SYVN1: variants seen among roughly 807,000 people sequenced by gnomAD.
SYVN1 encodes the protein E3 ubiquitin-protein ligase synoviolin.
In SYVN1, 17 loss-of-function variants were observed where a neutral mutation model predicts 62.6. That is an observed-to-expected ratio of 0.27 (90% CI 0.19 to 0.41). The LOEUF is 0.41. SYVN1 is among the 10% of genes least tolerant of loss of function. SYVN1 has a pLI of 1.00. For missense variants in SYVN1, 634 were observed against 818.0 expected (o/e 0.78, Z 2.74); for synonymous variants, 316 against 304.0 (o/e 1.04, Z -0.41).
intron 12 of SYVN1, 25 bp downstream of exon 12, chr11:65,130,226 G>A: frequency 6.2e-7 from 1 of 1,609,616 alleles, no homozygotes; most frequent in Non-Finnish European, 8.5e-7. Context: ...CCGCCCCCTG[G>A]CTGTCACAGT....
At chr11:65,128,791 C>A in intron 14 of SYVN1, 77 bp from the exon 15 acceptor site, 1 of 1,436,166 alleles carries the variant, frequency 7.0e-7, no homozygotes, top group East Asian at 2.5e-5. Context: ...CTTGGTGAGC[C>A]TTGCAGAACA....
At chr11:65,130,855 G>A in intron 10 of SYVN1, 32 bp from the exon 11 acceptor site, 1 of 1,602,360 alleles carries the variant, frequency 6.2e-7, no homozygotes, top group South Asian at 1.1e-5. Context: ...AGGTCAGCAG[G>A]TCCCTAGGGG....
intron 8 of SYVN1, 33 bp from the exon 9 acceptor site, chr11:65,131,230 G>T: frequency 6.2e-7 from 1 of 1,614,002 alleles, no homozygotes; most frequent in Non-Finnish European, 8.5e-7. Flanking sequence ...CAGGAGAAGG[G>T]ACGGGATCAG....
chr11:65,129,911 G>C lies in SYVN1; in HGVS notation c.1413C>G (p.Phe471Leu). 1 of 1,613,208 alleles carries C rather than the reference G, an allele frequency of 6.2e-7. No individual in the cohort carries two copies. The highest frequency in any genetic ancestry group is 8.5e-7 in the Non-Finnish European group (1 of 1,179,478). The change falls in exon 14 of 16, where the codon TTC (phenylalanine) becomes TTG (leucine). Residue 471 changes from phenylalanine to leucine, a missense_variant. Phe to Leu is a conservative substitution (Grantham distance 22). Coordinates refer to ENST00000377190, the MANE Select transcript of SYVN1 (RefSeq NM_172230.3). ...MGMPLPPPFAFPPMPVPPAGF... is the reference protein window; with the variant it reads ...MGMPLPPPFALPPMPVPPAGF... ...CCGCAGGGGGCACAGGCATTGGGGG[G>C]AAGGCTGGAGAGAGAGAGGCTCAGT... is the stretch of plus-strand genomic sequence containing the variant.
At chr11:65,133,303 C>T (rs752957806) in intron 2 of SYVN1, 51 bp from the exon 3 acceptor site, 1 of 1,600,000 alleles carries the variant, frequency 6.3e-7, no homozygotes, top group Non-Finnish European at 8.6e-7. Context: ...CTTTCCTCTC[C>T]TTGGGACTCA....
In SYVN1 at chr11:65,127,943, C is replaced by G. The variant is rs1158141607; in HGVS notation, c.*439G>C. 5.2e-6 allele frequency: 1 copy of G among 191,180 alleles called. No homozygotes were observed. The highest frequency in any genetic ancestry group is 1.1e-5 in the Non-Finnish European group (1 of 92,454). 11.8% of individuals were successfully genotyped at this position (191,180 alleles called of 1,614,324 possible). A position where few individuals can be genotyped will look rare whatever the true frequency, so the allele number is the denominator to read the frequency against. On this transcript the variant is annotated 3_prime_UTR_variant, in exon 16 of 16. Coordinates refer to ENST00000377190, the MANE Select transcript of SYVN1 (RefSeq NM_172230.3). ...GGTACCAGTCTTAGGGGTGGGCCAG[C>G]GAGCAAGTTCATAGCTTGCCTCCAG...
Position 65,128,701 on chromosome 11 carries a change from C to G in SYVN1, c.1609G>C (p.Ala537Pro), listed in dbSNP as rs746316090. Residue 537 changes from alanine to proline, a missense_variant, in exon 15 of 16, where the codon GCC becomes CCC. By Grantham distance (27) the Ala-to-Pro change is conservative. Coordinates refer to ENST00000377190, the MANE Select transcript of SYVN1 (RefSeq NM_172230.3). ...VLASLGPPRPATSVNSTEETA... is the reference protein window; with the variant it reads ...VLASLGPPRPPTSVNSTEETA... ...TCCTCAGTGGAGTTGACTGAAGTGGCAGGCCGGGGGGGCCTGGGAAGAGAA... is the reference window on the plus strand; with the variant it reads ...TCCTCAGTGGAGTTGACTGAAGTGGGAGGCCGGGGGGGCCTGGGAAGAGAA... 6.2e-7 allele frequency: 1 copy of G among 1,610,200 alleles called. No individual in the cohort carries two copies. Among genetic ancestry groups the G allele is most frequent in the South Asian group, 1.1e-5 (1 of 90,766 alleles).
In SYVN1 at chr11:65,127,557, T is replaced by TAG. The variant is rs1335682776; in HGVS notation, c.*823_*824dup. 1 of 153,366 alleles carries TAG rather than the reference T, an allele frequency of 6.5e-6. No individual in the cohort carries two copies. Among genetic ancestry groups the TAG allele is most frequent in the Non-Finnish European group, 1.5e-5 (1 of 68,924 alleles). The allele number at this position is 153,366 out of a possible 1,614,324, so 9.5% of individuals were successfully genotyped here. On this transcript the variant is annotated 3_prime_UTR_variant, in exon 16 of 16. Coordinates refer to ENST00000377190, the MANE Select transcript of SYVN1 (RefSeq NM_172230.3). ...AGACAAAATTTAAGCCAAAAGACAC[T>TAG]AGTAAGGAAGTAATTCCAATTCTAA...
At chr11:65,132,402 C>CA (rs1418941249) in intron 5 of SYVN1, 51 bp from the exon 6 acceptor site, 1 of 1,318,534 alleles carries the variant, frequency 7.6e-7, no homozygotes, top group Admixed American at 1.7e-5. Context: ...CAGGGCCCAA[C>CA]AGCTGTTTAA....
Position 65,128,566 on chromosome 11 carries a change from G to A in SYVN1, c.1744C>T (p.Pro582Ser). The A allele has an allele frequency of 6.2e-7, 1 of 1,614,038 alleles. No homozygotes were observed. The highest frequency in any genetic ancestry group is 8.5e-7 in the Non-Finnish European group (1 of 1,179,978). Residue 582 changes from proline to serine, a missense_variant, in exon 15 of 16, where the codon CCA becomes TCA. This residue lies in a region of SYVN1 where 351 missense variants were observed against 373.3 expected (regional missense o/e 0.94). Transcript: ENST00000377190. Reference protein sequence around the residue: ...SPPAPEMERPPAPESVGTEEM... With the variant: ...SPPAPEMERPSAPESVGTEEM... ...GCTGGAGGCCAATCACACCTACCTG[G>A]AGGCCTTTCCATTTCAGGGGCTGGT...
rs2137232057 is a variant in SYVN1 at position 65,127,752 on chromosome 11, G to C, written c.*630C>G. ...CAGAGGAAAGGGGCCTGGGGGGAGG[G>C]GCGGGGCAGGGTCCCTCAGTGCTGC... is the stretch of plus-strand genomic sequence containing the variant. On this transcript the variant is annotated 3_prime_UTR_variant, in exon 16 of 16. Coordinates refer to ENST00000377190, the MANE Select transcript of SYVN1 (RefSeq NM_172230.3). 1 of 152,944 alleles carries C rather than the reference G, an allele frequency of 6.5e-6. No individual in the cohort carries two copies. The highest frequency in any genetic ancestry group is 1.9e-4 in the East Asian group (1 of 5,168). The allele number at this position is 152,944 out of a possible 1,614,324, so 9.5% of individuals were successfully genotyped here. A position where few individuals can be genotyped will look rare whatever the true frequency, so the allele number is the denominator to read the frequency against.
At position 65,130,544 on chromosome 11, in the gene SYVN1, T is replaced by C. The variant is rs1948164019; in HGVS notation, c.1105+116A>G. ...TATTTCTCATCTTTTAATCCCTCCC[T>C]GGCCCAGACTGAGATTCTGGAGGGC... On this transcript the variant is annotated intron_variant, in intron 11 of 15. Transcript: ENST00000377190. 2.8e-6 allele frequency: 4 copies of C among 1,427,512 alleles called. No homozygotes were observed. The East Asian group carries it at 9.8e-5, about 35-fold the overall frequency. The allele number at this position is 1,427,512 out of a possible 1,614,324, so 88.4% of individuals were successfully genotyped here.
intron 14 of SYVN1, 55 bp downstream of exon 14, chr11:65,129,674 G>C (rs757196158): frequency 1.7e-4 from 261 of 1,563,318 alleles, no homozygotes; most frequent in Non-Finnish European, 2.2e-4. Flanking sequence ...GGGACCTCTT[G>C]GCAGCTCCAC....
Position 65,128,305 on chromosome 11 carries a change from G to T in SYVN1, c.*77C>A. The T allele has an allele frequency of 8.3e-7, 1 of 1,208,900 alleles. No individual in the cohort carries two copies. The highest frequency in any genetic ancestry group is 1.2e-6 in the Non-Finnish European group (1 of 842,488). The allele number at this position is 1,208,900 out of a possible 1,614,324, so 74.9% of individuals were successfully genotyped here. On this transcript the variant is annotated 3_prime_UTR_variant, in exon 16 of 16. Coordinates refer to ENST00000377190, the MANE Select transcript of SYVN1 (RefSeq NM_172230.3). ...ACTCCCTGGTGCAGACAGAGAGGGA[G>T]CTGGCACTTGGTGGCAGGACATGTT...
intron 2 of SYVN1, 81 bp from the exon 3 acceptor site, chr11:65,133,333 T>C: frequency 6.3e-7 from 1 of 1,579,546 alleles, no homozygotes; most frequent in South Asian, 1.1e-5. Context: ...ATCCTCCACA[T>C]CCTCATCACA....
chr11:65,130,669 G>C lies in SYVN1; in HGVS notation c.1096C>G (p.Pro366Ala). The change falls in exon 11 of 16, where the codon CCC becomes GCC. Residue 366 changes from proline to alanine, a missense_variant. By Grantham distance (27) the Pro-to-Ala change is conservative. Around this residue, in one of 2 missense-constraint regions of SYVN1, gnomAD observed 351 missense variants for 373.3 expected, o/e 0.94. Coordinates refer to ENST00000377190, the MANE Select transcript of SYVN1 (RefSeq NM_172230.3). ...APHPPPLLPQ[P>A]PNFPQGLLPP... ...ACAAGGGGATACTCACAGTTGGGGG[G>C]CTGAGGCAAGAGTGGTGGGGGGTGG... The C allele has an allele frequency of 1.5e-6, 2 of 1,323,454 alleles. No individual in the cohort carries two copies. The highest frequency in any genetic ancestry group is 3.1e-5 in the African/African-American group (2 of 65,536). The allele number at this position is 1,323,454 out of a possible 1,614,324, so 82.0% of individuals were successfully genotyped here.
At position 65,134,476 on chromosome 11, in the gene SYVN1, C is replaced by G. The variant is rs113906678; in HGVS notation, c.-38G>C. Reference sequence around the variant, plus strand: ...CTCACCAGGAACCCAGCGCCGCGAGCCCGCTCAATCCGCGCGACTGCGGCT... The same window carrying G: ...CTCACCAGGAACCCAGCGCCGCGAGGCCGCTCAATCCGCGCGACTGCGGCT... On this transcript the variant is annotated 5_prime_UTR_variant, in exon 1 of 16. Coordinates refer to ENST00000377190, the MANE Select transcript of SYVN1 (RefSeq NM_172230.3). 6.5e-6 allele frequency: 1 copy of G among 152,772 alleles called. No homozygotes were observed. The highest frequency in any genetic ancestry group is 2.4e-5 in the African/African-American group (1 of 41,464). The allele number at this position is 152,772 out of a possible 1,614,324, so 9.5% of individuals were successfully genotyped here. A position where few individuals can be genotyped will look rare whatever the true frequency, so the allele number is the denominator to read the frequency against.
chr11:65,128,599 CTCCTGGGGTTGGGGTCGT>C lies in SYVN1; in HGVS notation c.1693_1710del (p.Thr565_Gly570del). On this transcript the variant is annotated inframe_deletion, in exon 15 of 16. Coordinates refer to ENST00000377190, the MANE Select transcript of SYVN1 (RefSeq NM_172230.3). The stretch of plus-strand genomic sequence containing the variant: ...TCCATTTCAGGGGCTGGTGGGGAGG[CTCCTGGGGTTGGGGTCGT>C]GGCCTCTGAGCTAGGGATGCTGGTG... The C allele has an allele frequency of 1.2e-6, 2 of 1,614,152 alleles. No individual in the cohort carries two copies. The highest frequency in any genetic ancestry group is 2.2e-5 in the South Asian group (2 of 91,084).
intron 1 of SYVN1, 126 bp from the exon 2 acceptor site, chr11:65,133,744 A>C: frequency 1.3e-6 from 1 of 763,582 alleles, no homozygotes; most frequent in Non-Finnish European, 2.1e-6. Flanking sequence ...AAATCATCAG[A>C]CAAAGAATAG....
Sources: allele counts gnomAD v4.1 joint callset, GRCh38; gene constraint gnomAD v4.1.1; regional missense constraint gnomAD v4.1.1; transcripts MANE v1.5; gene names NCBI Gene and HGNC (gene_info 2026-07-23, HGNC 2026-07-21).